Variants in TMCO5A observed in about 807,000 individuals in gnomAD.
The protein encoded by TMCO5A is transmembrane and coiled-coil domain-containing protein 5A.
Under a neutral mutation model 42.3 loss-of-function variants are expected in TMCO5A, and 34 were observed. The observed-to-expected ratio is 0.80, with a 90% CI of 0.61 to 1.07. TMCO5A has a LOEUF of 1.07. Ranked by LOEUF, TMCO5A falls within the 50% of genes least tolerant of loss-of-function variation. The pLI is 0.00. For missense variants in TMCO5A, 357 were observed against 327.9 expected (o/e 1.09, Z -0.69); for synonymous variants, 131 against 115.6 (o/e 1.13, Z -0.86).
chr15:38,003,221 AGTCTCT>A, the TMCO5A span, among the ~76,000 whole-genome samples: 3 of 32,052 alleles, frequency 9.4e-5, no homozygotes, highest in Non-Finnish European at 1.8e-4. Context: ...TCCCAAACAG[AGTCTCT>A]CTCTCTCTCT....
chr15:37,966,487 C>T, intron 11 of TMCO5A: 1 of 666,518 alleles, frequency 1.5e-6, no homozygotes, highest in Non-Finnish European at 2.7e-6. Flanking sequence ...TCTCATATAC[C>T]CCATAAATAT....
chr15:37,997,018 T>TCATTCA, the TMCO5A span, among the ~76,000 whole-genome samples: 1 of 152,228 alleles, frequency 6.6e-6, no homozygotes, highest in African/African-American at 2.4e-5. Flanking sequence ...TTAGGATGAA[T>TCATTCA]GAGTTCATTA....
chr15:38,003,861 A>T, the TMCO5A span, among the ~76,000 whole-genome samples: 1 of 151,950 alleles, frequency 6.6e-6, no homozygotes. Flanking sequence ...TGGAATCAGG[A>T]ACCCCAGGAG....
the TMCO5A span, among the ~76,000 whole-genome samples, chr15:37,976,819 A>T: frequency 8.4e-6 from 1 of 118,890 alleles, no homozygotes; most frequent in African/African-American, 3.4e-5. Flanking sequence ...TTTTTGACAG[A>T]GTCTCACTCT....
chr15:37,939,023 A>C (rs1889634071), intron 6 of TMCO5A, among the ~76,000 whole-genome samples: 1 of 152,080 alleles, frequency 6.6e-6, no homozygotes, highest in Non-Finnish European at 1.5e-5. Flanking sequence ...ATTATACTTT[A>C]AGTTCTAGGG....
intron 11 of TMCO5A, among the ~76,000 whole-genome samples, chr15:37,963,343 C>T (rs921329461): frequency 6.6e-6 from 1 of 152,112 alleles, no homozygotes; most frequent in East Asian, 1.9e-4. Flanking sequence ...ATATTATGTC[C>T]GTGTATTTGC....
the TMCO5A span, among the ~76,000 whole-genome samples, chr15:38,017,735 T>G: frequency 6.6e-6 from 1 of 152,050 alleles, no homozygotes; most frequent in Admixed American, 6.6e-5. Flanking sequence ...CAGGCAGTCA[T>G]CTGAAAAGCA....
chr15:38,004,056 A>C, the TMCO5A span, among the ~76,000 whole-genome samples: 1 of 152,124 alleles, frequency 6.6e-6, no homozygotes, highest in Non-Finnish European at 1.5e-5. Context: ...CCAAGGCCCA[A>C]GGTGAATACT....
downstream of TMCO5A, among the ~76,000 whole-genome samples, chr15:37,972,392 G>A (rs1048468183): frequency 6.6e-6 from 1 of 152,090 alleles, no homozygotes; most frequent in Non-Finnish European, 1.5e-5. Context: ...CCATATCACA[G>A]TCCCACCAAC....
chr15:37,946,173 G>T (rs2140278224), intron 10 of TMCO5A, among the ~76,000 whole-genome samples: 1 of 152,226 alleles, frequency 6.6e-6, no homozygotes, highest in African/African-American at 2.4e-5. Flanking sequence ...AGATCAGATG[G>T]TTGTAGGTGA....
the TMCO5A span, among the ~76,000 whole-genome samples, chr15:38,036,494 T>TCACACA: frequency 7.4e-6 from 1 of 135,552 alleles, no homozygotes; most frequent in African/African-American, 3.5e-5. Flanking sequence ...TCTCTCTCTC[T>TCACACA]CTCACACACA....
the TMCO5A span, among the ~76,000 whole-genome samples, chr15:38,000,654 T>C: frequency 6.6e-6 from 1 of 152,124 alleles, no homozygotes; most frequent in Non-Finnish European, 1.5e-5. Flanking sequence ...TATTGCTATA[T>C]CCTTTCCTCT....
chr15:38,030,432 T>C, the TMCO5A span, among the ~76,000 whole-genome samples: 1 of 152,206 alleles, frequency 6.6e-6, no homozygotes, highest in Admixed American at 6.5e-5. Context: ...AACCACAGTT[T>C]GAGCCATTAT....
chr15:37,973,908 T>C, the TMCO5A span, among the ~76,000 whole-genome samples: 1 of 152,246 alleles, frequency 6.6e-6, no homozygotes, highest in Non-Finnish European at 1.5e-5. Flanking sequence ...TTGTTACATA[T>C]GGCTCTTATT....
At chr15:37,992,443 C>A in the TMCO5A span, among the ~76,000 whole-genome samples, 68 of 152,182 alleles carry the variant, frequency 4.5e-4, no homozygotes, top group African/African-American at 1.6e-3. Context: ...AGTGGTGATT[C>A]CTCAAAGAAC....
At chr15:37,952,966 G>A (rs1015889808), downstream of TMCO5A, among the ~76,000 whole-genome samples, 1 of 152,186 alleles carries the variant, frequency 6.6e-6, no homozygotes, top group Admixed American at 6.5e-5. Context: ...GCCATGGTGG[G>A]AGGCATCTCT....
At chr15:38,007,234 T>C in the TMCO5A span, among the ~76,000 whole-genome samples, 1 of 152,186 alleles carries the variant, frequency 6.6e-6, no homozygotes, top group Non-Finnish European at 1.5e-5. Flanking sequence ...TTGAGCCAAA[T>C]GAGAGTTCAA....
chr15:37,953,765 A>G (rs915396516), downstream of TMCO5A, among the ~76,000 whole-genome samples: 2 of 152,150 alleles, frequency 1.3e-5, no homozygotes, highest in East Asian at 3.9e-4. Context: ...GTGACCTTTC[A>G]GGAAGAAATT....
the TMCO5A span, among the ~76,000 whole-genome samples, chr15:38,016,990 A>G: frequency 6.6e-6 from 1 of 152,120 alleles, no homozygotes; most frequent in African/African-American, 2.4e-5. Flanking sequence ...AGAAAGAGAG[A>G]CACAGAATGA....
Sources: gnomAD v4.1 joint callset for allele counts (sites outside exome capture counted in the v4.1 genomes callset) on GRCh38, gnomAD v4.1.1 for gene constraint, MANE v1.5 for transcripts, NCBI Gene and HGNC (gene_info 2026-07-23, HGNC 2026-07-21) for gene names.